The following SMARCC1 variants were observed in gnomAD, a reference collection of about 807,000 sequenced individuals.
SMARCC1 encodes the protein SWI/SNF related BAF chromatin remodeling complex subunit C1.
In SMARCC1, 43 loss-of-function variants were observed where a neutral mutation model predicts 147.4. The observed-to-expected ratio is 0.29, with a 90% CI of 0.23 to 0.38. The LOEUF (loss-of-function observed/expected upper bound fraction) is 0.38. SMARCC1 is among the 10% of genes least tolerant of loss of function. The probability of loss-of-function intolerance (pLI) is 1.00; values close to 1 mark genes in which losing one functional copy is unlikely to be tolerated. For synonymous variants in SMARCC1, 495 were observed against 484.4 expected (o/e 1.02, Z -0.29); for missense variants, 1,119 against 1,381.1 (o/e 0.81, Z 3.01).
chr3:47,751,473 G>A (rs1446939665), intron 2 of SMARCC1, among the ~76,000 whole-genome samples: 1 of 151,686 alleles, frequency 6.6e-6, no homozygotes, highest in Non-Finnish European at 1.5e-5. Context: ...CCCAGGAGGC[G>A]GAAGTTGCAG....
At position 47,772,906 on chromosome 3, in the gene SMARCC1, T is replaced by A; in HGVS notation, c.226A>T (p.Thr76Ser). Residue 76 changes from threonine (T) to serine (S), a missense_variant, in exon 2 of 28, where the codon ACA (threonine) becomes TCA (serine). Transcript: ENST00000254480. ...AGCTGCACCACCAGCCCAGCCAGTG[T>A]TTTATTGGTAGGAGCATCCGCATGA... ...YVHADAPTNK[T>S]LAGLVVQLLQ... 1 of 1,613,564 alleles carries A rather than the reference T, an allele frequency of 6.2e-7. No individual in the cohort carries two copies. Among genetic ancestry groups the A allele is most frequent in the Non-Finnish European group, 8.5e-7 (1 of 1,179,662 alleles).
chr3:47,763,866 T>C (rs1433451979), intron 2 of SMARCC1, among the ~76,000 whole-genome samples: 1 of 151,470 alleles, frequency 6.6e-6, no homozygotes, highest in Non-Finnish European at 1.5e-5. Context: ...ACCACAGGCA[T>C]GCACCACCAC....
chr3:47,668,969 A>G (rs1362229708), intron 19 of SMARCC1, among the ~76,000 whole-genome samples: 1 of 152,190 alleles, frequency 6.6e-6, no homozygotes, highest in Non-Finnish European at 1.5e-5. Context: ...TTAGAAAGAG[A>G]CTATATTTGA....
At chr3:47,714,350 G>A (rs1362399888) in intron 8 of SMARCC1, 65 bp downstream of exon 8, 1 of 909,524 alleles carries the variant, frequency 1.1e-6, no homozygotes, top group Non-Finnish European at 1.8e-6. Flanking sequence ...GCGACAGAGT[G>A]AGACGCCATC....
chr3:47,677,282 G>A (rs2033586452), intron 16 of SMARCC1, among the ~76,000 whole-genome samples: 1 of 151,824 alleles, frequency 6.6e-6, no homozygotes, highest in Admixed American at 6.6e-5. Context: ...TGTATTTTTA[G>A]TAGAAATGGG....
At chr3:47,767,245 CTT>C (rs1354572113) in intron 2 of SMARCC1, among the ~76,000 whole-genome samples, 1 of 120,956 alleles carries the variant, frequency 8.3e-6, no homozygotes. Context: ...TCCTTTTTCT[CTT>C]TTTTTTTTTG....
intron 2 of SMARCC1, 115 bp downstream of exon 2, chr3:47,772,702 C>A: frequency 2.3e-6 from 2 of 853,966 alleles, no homozygotes; most frequent in Non-Finnish European, 3.3e-6. Context: ...TTGTTTTTTG[C>A]TTTTTTTTTT....
At chr3:47,723,525 AAAAGG>A (rs2106813793) in intron 6 of SMARCC1, among the ~76,000 whole-genome samples, 1 of 152,068 alleles carries the variant, frequency 6.6e-6, no homozygotes, top group African/African-American at 2.4e-5. Flanking sequence ...AAACAATTTA[AAAAGG>A]AGGCCAGGCA....
intron 13 of SMARCC1, among the ~76,000 whole-genome samples, chr3:47,688,649 A>G (rs555004123): frequency 1.3e-5 from 2 of 152,310 alleles, no homozygotes; most frequent in East Asian, 3.9e-4. Flanking sequence ...AGAATTCATA[A>G]AGCAGGAAGT....
intron 21 of SMARCC1, among the ~76,000 whole-genome samples, chr3:47,656,816 AG>A (rs1309761147): frequency 6.6e-6 from 1 of 152,150 alleles, no homozygotes; most frequent in Non-Finnish European, 1.5e-5. Flanking sequence ...TGAGAGGCTA[AG>A]GCAGGAGGAT....
chr3:47,696,587 CG>C (rs1451830853), intron 11 of SMARCC1, among the ~76,000 whole-genome samples: 2 of 150,512 alleles, frequency 1.3e-5, no homozygotes, highest in African/African-American at 4.9e-5. Context: ...GGTGCAATCT[CG>C]GCTCACTGCA....
At chr3:47,624,028 C>A (rs1249447695) in intron 24 of SMARCC1, among the ~76,000 whole-genome samples, 1 of 151,988 alleles carries the variant, frequency 6.6e-6, no homozygotes, top group Non-Finnish European at 1.5e-5. Flanking sequence ...GTGGCTCACG[C>A]CTGTAATCTC....
chr3:47,744,692 C>T (rs898694701), intron 3 of SMARCC1, among the ~76,000 whole-genome samples: 1 of 152,124 alleles, frequency 6.6e-6, no homozygotes, highest in African/African-American at 2.4e-5. Context: ...TCCCCCAACC[C>T]TACCCTGTGA....
intron 3 of SMARCC1, among the ~76,000 whole-genome samples, chr3:47,744,295 C>T (rs2034541893): frequency 6.6e-6 from 1 of 152,086 alleles, no homozygotes; most frequent in Non-Finnish European, 1.5e-5. Context: ...GTGCCTGCCA[C>T]CAAGTCTGGC....
In SMARCC1 at chr3:47,656,971, T is replaced by C. The variant is rs188995757; in HGVS notation, c.2320+4323A>G. On this transcript the variant is annotated intron_variant, in intron 21 of 27. Transcript: ENST00000254480. ...TAAACAAACCTAAAAACATCTGAAA[T>C]GGCACGCTAATATCAGGTAAGATAG... Among the ~76,000 whole-genome samples, 7 of 152,056 alleles carry C rather than the reference T, an allele frequency of 4.6e-5. No individual in the cohort carries two copies. The East Asian group carries it at 7.7e-4, about 17-fold the overall frequency.
chr3:47,749,669 A>AC lies in SMARCC1; in HGVS notation c.316-3677_316-3676insG. Among the ~76,000 whole-genome samples the AC allele has an allele frequency of 3.7e-5, 5 of 134,764 alleles. 1 individual carries two copies. The highest frequency in any genetic ancestry group is 6.5e-5 in the Non-Finnish European group (4 of 61,652). The allele number at this position is 134,764 out of a possible 152,430, so 88.4% of individuals were successfully genotyped here. A position where few individuals can be genotyped will look rare whatever the true frequency, so the allele number is the denominator to read the frequency against. ...ATGACAAAGTGAGACCCTCTAAATT[A>AC]AACACACACACACACACACACAAAG... On this transcript the variant is annotated intron_variant, in intron 2 of 27. Transcript: ENST00000254480.
chr3:47,595,528 AAAAT>A lies in SMARCC1; in HGVS notation c.3044-4695_3044-4692del, dbSNP rs1057320401. Among the ~76,000 whole-genome samples, 43 of 77,958 alleles carry A rather than the reference AAAAT, an allele frequency of 5.5e-4. No homozygotes were observed. In the East Asian group the frequency reaches 8.9e-3, roughly 16 times the overall value. 51.1% of individuals were successfully genotyped at this position (77,958 alleles called of 152,430 possible). The stretch of plus-strand genomic sequence containing the variant: ...GGCAACAAGAGTGAAATTCCGTCTC[AAAAT>A]AAATAAATAAATAAAATAAAATAAA... On this transcript the variant is annotated intron_variant, in intron 26 of 27. Transcript: ENST00000254480.
chr3:47,653,823 G>T (rs1302146855), intron 21 of SMARCC1, among the ~76,000 whole-genome samples: 3 of 152,190 alleles, frequency 2.0e-5, no homozygotes, highest in Non-Finnish European at 4.4e-5. Flanking sequence ...GAACACACTT[G>T]AAAGAAGTTA....
At chr3:47,630,529 C>T (rs1269466457) in intron 24 of SMARCC1, among the ~76,000 whole-genome samples, 2 of 152,142 alleles carry the variant, frequency 1.3e-5, no homozygotes, top group South Asian at 4.1e-4. Context: ...TTTTGCATTA[C>T]AAAGCATGAA....
Sources: allele counts gnomAD v4.1 joint callset (sites outside exome capture counted in the v4.1 genomes callset), GRCh38; gene constraint gnomAD v4.1.1; transcripts MANE v1.5; gene names NCBI Gene and HGNC (gene_info 2026-07-23, HGNC 2026-07-21).